COLGALT2: variants seen among roughly 807,000 people sequenced by gnomAD.
COLGALT2 encodes the protein collagen beta(1-O)galactosyltransferase 2, also known as procollagen galactosyltransferase 2.
Under a neutral mutation model 73.4 loss-of-function variants are expected in COLGALT2, and 49 were observed. The observed-to-expected ratio is 0.67, with a 90% CI of 0.53 to 0.85. The LOEUF is 0.85. COLGALT2 is among the 40% of genes least tolerant of loss of function. The pLI is 0.00. For missense variants in COLGALT2, 722 were observed against 790.2 expected, an observed-to-expected ratio of 0.91 and a Z score of 1.03; for synonymous variants, 295 against 307.6, an observed-to-expected ratio of 0.96 and a Z score of 0.43.
At chr1:183,939,339 T>A (rs567667517) in intron 11 of COLGALT2, among the ~76,000 whole-genome samples, 1 of 152,286 alleles carries the variant, frequency 6.6e-6, no homozygotes, top group Non-Finnish European at 1.5e-5. Context: ...TAATGATAAA[T>A]AAATACGATC....
In COLGALT2 at chr1:183,937,510, T is replaced by C; in HGVS notation, c.*1251A>G. On this transcript the variant is annotated 3_prime_UTR_variant, in exon 12 of 12. Transcript: ENST00000361927. ...GGATTCTAAGAGCTTCCCTGGTTGC[T>C]GGCCTAAATCAGGTGACCAGCCCTT... 2.0e-6 allele frequency: 2 copies of C among 985,496 alleles called. No individual in the cohort carries two copies. Among genetic ancestry groups the C allele is most frequent in the Non-Finnish European group, 2.4e-6 (2 of 829,982 alleles). 61.0% of individuals were successfully genotyped at this position (985,496 alleles called of 1,614,324 possible). A position where few individuals can be genotyped will look rare whatever the true frequency, so the allele number is the denominator to read the frequency against.
intron 5 of COLGALT2, among the ~76,000 whole-genome samples, chr1:183,967,014 T>C (rs534944581): frequency 6.6e-6 from 1 of 152,164 alleles, no homozygotes; most frequent in African/African-American, 2.4e-5. Flanking sequence ...AGAATACCAA[T>C]CATATTTCAT....
intron 10 of COLGALT2, among the ~76,000 whole-genome samples, chr1:183,943,991 T>C (rs1439321188): frequency 1.3e-5 from 2 of 152,178 alleles, no homozygotes; most frequent in African/African-American, 4.8e-5. Flanking sequence ...TCTTCCACAG[T>C]TTCCCACCCT....
intron 10 of COLGALT2, among the ~76,000 whole-genome samples, chr1:183,942,741 G>A (rs1670148205): frequency 6.6e-6 from 1 of 152,194 alleles, no homozygotes; most frequent in Non-Finnish European, 1.5e-5. Context: ...TAGATTTTAA[G>A]GGGATATTTT....
Position 183,938,040 on chromosome 1 carries a change from T to C in COLGALT2, c.*721A>G, listed in dbSNP as rs1022675895. ...TAAAAAAGCCAAACATTGAGTTTTT[T>C]CCCTCAAATACCTACACAAACTGTC... On this transcript the variant is annotated 3_prime_UTR_variant, in exon 12 of 12. Coordinates refer to ENST00000361927, the MANE Select transcript of COLGALT2 (RefSeq NM_015101.4). 6.1e-6 allele frequency: 6 copies of C among 985,300 alleles called. No individual in the cohort carries two copies. The highest frequency in any genetic ancestry group is 7.2e-6 in the Non-Finnish European group (6 of 829,974). The allele number at this position is 985,300 out of a possible 1,614,324, so 61.0% of individuals were successfully genotyped here.
At chr1:183,952,527 G>A (rs1490023235) in intron 7 of COLGALT2, among the ~76,000 whole-genome samples, 1 of 152,194 alleles carries the variant, frequency 6.6e-6, no homozygotes, top group Non-Finnish European at 1.5e-5. Flanking sequence ...AGTTCAGATT[G>A]TACTGTGTTA....
Position 184,030,530 on chromosome 1 carries a change from G to C in COLGALT2, c.263+6565C>G, listed in dbSNP as rs16822357. On this transcript the variant is annotated intron_variant, in intron 1 of 11. Transcript: ENST00000361927. ...CCTACTATACTGTGCCATAGACTTG[G>C]AGACGGTGCCACACAGCAATATGAC... Among the ~76,000 whole-genome samples, 1,344 of 152,230 alleles carry C rather than the reference G, an allele frequency of 8.8e-3. 21 individuals are homozygous for C. Among genetic ancestry groups the C allele is most frequent in the African/African-American group, 0.031 (1,294 of 41,548 alleles).
At chr1:183,944,922 T>C (rs1430861163) in intron 9 of COLGALT2, among the ~76,000 whole-genome samples, 1 of 152,208 alleles carries the variant, frequency 6.6e-6, no homozygotes, top group Non-Finnish European at 1.5e-5. Context: ...TTTTTGGTTG[T>C]GGAAACTGAC....
intron 1 of COLGALT2, among the ~76,000 whole-genome samples, chr1:184,018,462 T>C (rs951593224): frequency 6.6e-6 from 1 of 152,140 alleles, no homozygotes; most frequent in Non-Finnish European, 1.5e-5. Flanking sequence ...TTTCCTTTCC[T>C]AGGAAGCACA....
At chr1:183,997,241 T>C (rs539159017) in intron 1 of COLGALT2, among the ~76,000 whole-genome samples, 1 of 152,254 alleles carries the variant, frequency 6.6e-6, no homozygotes, top group African/African-American at 2.4e-5. Flanking sequence ...GTATTCTGTA[T>C]AGTAAGACAT....
chr1:183,969,207 C>T, intron 5 of COLGALT2, 62 bp downstream of exon 5: 4 of 1,325,704 alleles, frequency 3.0e-6, no homozygotes, highest in Non-Finnish European at 4.1e-6. Context: ...ATGCACAAAA[C>T]AAAGGAGCTG....
intron 1 of COLGALT2, among the ~76,000 whole-genome samples, chr1:184,033,790 G>T (rs1649586374): frequency 6.6e-6 from 1 of 152,202 alleles, no homozygotes; most frequent in Non-Finnish European, 1.5e-5. Context: ...ATCTGGGACA[G>T]AAATCAGATG....
intron 1 of COLGALT2, among the ~76,000 whole-genome samples, chr1:183,992,025 A>G (rs1671643159): frequency 6.6e-6 from 1 of 152,132 alleles, no homozygotes. Flanking sequence ...TTTACTACTC[A>G]CTGCTCTTCT....
chr1:183,932,285 C>G (rs542146487), downstream of COLGALT2, among the ~76,000 whole-genome samples: 1 of 152,168 alleles, frequency 6.6e-6, no homozygotes, highest in Non-Finnish European at 1.5e-5. Flanking sequence ...TCCCTTAGCT[C>G]TTTGCCTTAT....
In COLGALT2 at chr1:183,930,565, TTTTC is replaced by T. The variant is rs1415081034; in HGVS notation, c.1605-280_1605-277del. Among the ~76,000 whole-genome samples the T allele has an allele frequency of 5.6e-5, 5 of 89,060 alleles. No individual in the cohort carries two copies. In the South Asian group the frequency reaches 1.9e-3, roughly 34 times the overall value. 58.4% of individuals were successfully genotyped at this position (89,060 alleles called of 152,430 possible). A position where few individuals can be genotyped will look rare whatever the true frequency, so the allele number is the denominator to read the frequency against. On this transcript the variant is annotated intron_variant, in intron 11 of 11. Transcript: ENST00000649786. The stretch of plus-strand genomic sequence containing the variant: ...CACCAATGCCCTGCTAATTTTTTCT[TTTTC>T]TTTTTTTTTTTTTTTTTTTTTGTAT...
intron 4 of COLGALT2, among the ~76,000 whole-genome samples, chr1:183,971,442 A>G (rs1334916537): frequency 6.6e-6 from 1 of 152,158 alleles, no homozygotes; most frequent in African/African-American, 2.4e-5. Context: ...GATAATACAA[A>G]TTTGTAGGCT....
intron 1 of COLGALT2, among the ~76,000 whole-genome samples, chr1:183,989,180 T>C (rs1157699058): frequency 2.6e-5 from 4 of 152,198 alleles, no homozygotes; most frequent in African/African-American, 9.6e-5. Context: ...ATCTTGGTTG[T>C]ACATGAGATG....
chr1:184,021,533 T>C (rs945312565), intron 1 of COLGALT2, among the ~76,000 whole-genome samples: 17 of 152,106 alleles, frequency 1.1e-4, no homozygotes, highest in African/African-American at 2.2e-4. Context: ...CCTACCACCA[T>C]AGAATGATGT....
At chr1:183,954,104 T>C (rs567300276) in intron 7 of COLGALT2, among the ~76,000 whole-genome samples, 117 of 152,336 alleles carry the variant, frequency 7.7e-4, no homozygotes, top group African/African-American at 2.7e-3. Context: ...GAGTCAGTGA[T>C]GTGGAGTCAC....
Sources: allele counts gnomAD v4.1 joint callset (sites outside exome capture counted in the v4.1 genomes callset), GRCh38; gene constraint gnomAD v4.1.1; transcripts MANE v1.5; gene names NCBI Gene and HGNC (gene_info 2026-07-23, HGNC 2026-07-21).